The following PXDNL variants were observed in gnomAD, a reference collection of about 807,000 sequenced individuals.
The protein encoded by PXDNL is probable oxidoreductase PXDNL.
PXDNL carries 145 observed loss-of-function variants against 150.8 expected under a neutral mutation model. The ratio of observed to expected loss-of-function variants is 0.96; its 90% CI spans 0.84 to 1.10. The LOEUF is 1.10. Ranked by LOEUF, PXDNL falls within the 50% of genes least tolerant of loss-of-function variation. The pLI, the probability that PXDNL is intolerant of heterozygous loss-of-function variation, is 0.00. For missense variants in PXDNL, 2,087 were observed against 1,873.9 expected (o/e 1.11, Z -2.10); for synonymous variants, 757 against 725.7 (o/e 1.04, Z -0.69).
At chr8:51,735,004 A>G (rs2130940670) in intron 1 of PXDNL, among the ~76,000 whole-genome samples, 1 of 152,364 alleles carries the variant, frequency 6.6e-6, no homozygotes, top group South Asian at 2.1e-4. Context: ...TATGGTTAAT[A>G]ACAACATATA....
chr8:51,598,204 C>A (rs1813616951), intron 2 of PXDNL, among the ~76,000 whole-genome samples: 1 of 151,858 alleles, frequency 6.6e-6, no homozygotes, highest in Non-Finnish European at 1.5e-5. Flanking sequence ...GACTTTTTTT[C>A]CTATTTTGAT....
rs1038911949 is a variant in PXDNL at position 51,605,473 on chromosome 8, T to C, written c.237-12775A>G. On this transcript the variant is annotated intron_variant, in intron 2 of 22. Transcript: ENST00000356297. Reference sequence around the variant, plus strand: ...CAAAAATATGAAATGCATACAGATATAGTCATTATTAAAATTATTAATATA... The same window carrying C: ...CAAAAATATGAAATGCATACAGATACAGTCATTATTAAAATTATTAATATA... 3.3e-5 allele frequency among the ~76,000 whole-genome samples: 5 copies of C among 151,982 alleles called. No individual in the cohort carries two copies. The South Asian group carries it at 1.0e-3, about 32-fold the overall frequency.
intron 5 of PXDNL, among the ~76,000 whole-genome samples, chr8:51,494,414 G>A (rs201532168): frequency 2.6e-5 from 4 of 151,680 alleles, no homozygotes; most frequent in East Asian, 1.9e-4. Flanking sequence ...GACAGGATCA[G>A]ATTCACACAT....
At chr8:51,366,599 T>C (rs1164447731) in intron 19 of PXDNL, among the ~76,000 whole-genome samples, 1 of 151,618 alleles carries the variant, frequency 6.6e-6, no homozygotes, top group Non-Finnish European at 1.5e-5. Context: ...ATAATGCATA[T>C]GCAAATAATG....
intron 2 of PXDNL, among the ~76,000 whole-genome samples, chr8:51,596,188 A>G (rs576839102): frequency 9.9e-5 from 15 of 152,258 alleles, no homozygotes; most frequent in African/African-American, 3.6e-4. Context: ...ACTTAGGATA[A>G]TGACTTCCAG....
At position 51,446,313 on chromosome 8, in the gene PXDNL, T is replaced by C. The variant is rs543737565; in HGVS notation, c.1525+691A>G. On this transcript the variant is annotated intron_variant, in intron 12 of 22. Coordinates refer to ENST00000356297, the MANE Select transcript of PXDNL (RefSeq NM_144651.5). ...AATTGTGGAGAGACTTAGGAAATTA[T>C]ATCAAAATGTAAAGCAGTGCTGAAA... 3.9e-5 allele frequency among the ~76,000 whole-genome samples: 6 copies of C among 152,368 alleles called. 1 individual carries two copies. The South Asian group carries it at 1.0e-3, about 26-fold the overall frequency.
chr8:51,341,471 C>A (rs1805982457), intron 20 of PXDNL, among the ~76,000 whole-genome samples: 1 of 152,032 alleles, frequency 6.6e-6, no homozygotes, highest in Non-Finnish European at 1.5e-5. Context: ...CATGATGATA[C>A]TTAATATGAG....
intron 1 of PXDNL, among the ~76,000 whole-genome samples, chr8:51,669,002 T>C (rs72642917): frequency 0.028 from 4,299 of 152,234 alleles, 85 homozygotes; most frequent in Non-Finnish European, 0.042. Flanking sequence ...AAAATAAGTA[T>C]CATTAAAAAT....
At chr8:51,331,936 C>T (rs1446075163) in intron 21 of PXDNL, among the ~76,000 whole-genome samples, 2 of 148,876 alleles carry the variant, frequency 1.3e-5, no homozygotes, top group African/African-American at 4.9e-5. Context: ...GACATATAAT[C>T]TTGGTAGTTC....
chr8:51,528,664 G>A (rs944864199), intron 4 of PXDNL, among the ~76,000 whole-genome samples: 6 of 152,146 alleles, frequency 3.9e-5, no homozygotes, highest in African/African-American at 1.4e-4. Flanking sequence ...TGGAAAAGGG[G>A]GCAGAAGAGC....
intron 19 of PXDNL, among the ~76,000 whole-genome samples, chr8:51,349,040 A>G (rs1806253231): frequency 6.6e-6 from 1 of 152,198 alleles, no homozygotes; most frequent in Non-Finnish European, 1.5e-5. Context: ...ATCAGCTTAA[A>G]TTTCTGGTCT....
intron 8 of PXDNL, among the ~76,000 whole-genome samples, chr8:51,468,761 A>G (rs1246065960): frequency 6.6e-6 from 1 of 151,910 alleles, no homozygotes; most frequent in African/African-American, 2.4e-5. Context: ...AATTGTTAAT[A>G]TGCACTCTTG....
At chr8:51,335,608 A>T (rs1805809421) in intron 21 of PXDNL, among the ~76,000 whole-genome samples, 1 of 151,974 alleles carries the variant, frequency 6.6e-6, no homozygotes, top group Non-Finnish European at 1.5e-5. Context: ...ATATCTGTGA[A>T]GACCTCATTA....
chr8:51,779,127 T>C (rs1213363593), intron 1 of PXDNL, among the ~76,000 whole-genome samples: 1 of 152,208 alleles, frequency 6.6e-6, no homozygotes, highest in Non-Finnish European at 1.5e-5. Context: ...GTAGAAAAGA[T>C]AATACTGTAG....
chr8:51,681,165 A>G (rs879429586), intron 1 of PXDNL, among the ~76,000 whole-genome samples: 5 of 152,132 alleles, frequency 3.3e-5, no homozygotes, highest in Non-Finnish European at 5.9e-5. Flanking sequence ...TCTTTGTAAG[A>G]ACACAGGAAA....
chr8:51,626,892 T>C (rs1265075869), intron 2 of PXDNL, among the ~76,000 whole-genome samples: 1 of 152,170 alleles, frequency 6.6e-6, no homozygotes, highest in Non-Finnish European at 1.5e-5. Flanking sequence ...GCTGTTGTCA[T>C]CCAGGCCCTG....
chr8:51,517,906 T>A (rs543029889), intron 4 of PXDNL, among the ~76,000 whole-genome samples: 1 of 152,158 alleles, frequency 6.6e-6, no homozygotes, highest in Admixed American at 6.5e-5. Flanking sequence ...TTCTTTATAG[T>A]TGGGTGTAAA....
intron 1 of PXDNL, among the ~76,000 whole-genome samples, chr8:51,745,182 T>C (rs190583872): frequency 3.3e-4 from 51 of 152,294 alleles, no homozygotes; most frequent in Non-Finnish European, 6.5e-4. Context: ...ACCAAGTGCC[T>C]ATAAGATAAC....
At chr8:51,438,310 G>A (rs185433380) in intron 12 of PXDNL, among the ~76,000 whole-genome samples, 2,001 of 150,812 alleles carry the variant, frequency 0.013, 44 homozygotes, top group African/African-American at 0.045. Flanking sequence ...ACTAAAAAAA[G>A]CAATTCTAAA....
Sources: gnomAD v4.1 joint callset for allele counts (sites outside exome capture counted in the v4.1 genomes callset) on GRCh38, gnomAD v4.1.1 for gene constraint, MANE v1.5 for transcripts, NCBI Gene and HGNC (gene_info 2026-07-23, HGNC 2026-07-21) for gene names.